UBE2E3: variants seen among roughly 807,000 people sequenced by gnomAD.
The protein encoded by UBE2E3 is ubiquitin-conjugating enzyme E2 E3.
Under a neutral mutation model 23.6 loss-of-function variants are expected in UBE2E3, and 5 were observed. That is an observed-to-expected ratio of 0.21 (90% confidence interval 0.11 to 0.44). UBE2E3 has a LOEUF of 0.44. Ranked by LOEUF, UBE2E3 falls within the 20% of genes least tolerant of loss-of-function variation. The pLI, the probability that UBE2E3 is intolerant of heterozygous loss-of-function variation, is 0.99. For synonymous variants in UBE2E3, 78 were observed against 87.5 expected, an observed-to-expected ratio of 0.89 and a Z score of 0.60; for missense variants, 81 against 249.8, an observed-to-expected ratio of 0.32 and a Z score of 4.55.
chr2:180,986,867 T>C (rs1486913514), intron 3 of UBE2E3, among the ~76,000 whole-genome samples: 1 of 152,102 alleles, frequency 6.6e-6, no homozygotes, highest in African/African-American at 2.4e-5. Flanking sequence ...ACCAAAATTA[T>C]TCAGACTGGG....
At chr2:181,017,536 T>C (rs1348804028) in intron 3 of UBE2E3, among the ~76,000 whole-genome samples, 1 of 151,970 alleles carries the variant, frequency 6.6e-6, no homozygotes, top group African/African-American at 2.4e-5. Flanking sequence ...GTATGTGTAT[T>C]GTCTAAAGTC....
chr2:181,028,899 A>AGAGATTAT (rs1189788011), intron 3 of UBE2E3, among the ~76,000 whole-genome samples: 1 of 151,898 alleles, frequency 6.6e-6, no homozygotes, highest in African/African-American at 2.4e-5. Context: ...TATGATTAGC[A>AGAGATTAT]CTTTTTGTGT....
At chr2:181,031,053 C>G (rs990098673) in intron 3 of UBE2E3, among the ~76,000 whole-genome samples, 3 of 151,854 alleles carry the variant, frequency 2.0e-5, no homozygotes, top group Non-Finnish European at 2.9e-5. Flanking sequence ...TAATTTTTAG[C>G]TTTTCTTCTG....
intron 3 of UBE2E3, among the ~76,000 whole-genome samples, chr2:181,050,405 G>T (rs549943959): frequency 3.8e-4 from 58 of 151,836 alleles, no homozygotes; most frequent in African/African-American, 1.3e-3. Context: ...TTGTTCAACG[G>T]GATTCTCTTC....
chr2:181,025,270 A>T (rs1685848262), intron 3 of UBE2E3, among the ~76,000 whole-genome samples: 1 of 151,920 alleles, frequency 6.6e-6, no homozygotes, highest in African/African-American at 2.4e-5. Flanking sequence ...AGACCACAGA[A>T]ACCTTGCTCT....
At chr2:181,003,981 A>G (rs77287550) in intron 3 of UBE2E3, among the ~76,000 whole-genome samples, 2,139 of 152,344 alleles carry the variant, frequency 0.014, 42 homozygotes, top group African/African-American at 0.049. Context: ...GATGGAAGCA[A>G]GATTCAGTTT....
intron 3 of UBE2E3, among the ~76,000 whole-genome samples, chr2:181,005,623 A>G (rs1202656335): frequency 6.6e-6 from 1 of 151,040 alleles, no homozygotes; most frequent in Non-Finnish European, 1.5e-5. Flanking sequence ...AATTTATATT[A>G]CCTGTGTGGC....
chr2:180,989,749 T>TA, intron 3 of UBE2E3: 2 of 969,354 alleles, frequency 2.1e-6, no homozygotes, highest in Non-Finnish European at 2.8e-6. Context: ...CATGTGCTTT[T>TA]AAAAAAAGTT....
chr2:181,039,212 A>C (rs903774171), intron 3 of UBE2E3, among the ~76,000 whole-genome samples: 1 of 139,892 alleles, frequency 7.1e-6, no homozygotes, highest in East Asian at 2.1e-4. Context: ...GCTCTATATC[A>C]TGGTTGTAGT....
chr2:181,027,127 A>G (rs762827948), intron 3 of UBE2E3, among the ~76,000 whole-genome samples: 9 of 151,884 alleles, frequency 5.9e-5, no homozygotes, highest in African/African-American at 1.7e-4. Flanking sequence ...GATTGTCTGT[A>G]CCTGTGTTAA....
chr2:181,060,199 G>T (rs1180929574), intron 4 of UBE2E3, among the ~76,000 whole-genome samples: 1 of 151,646 alleles, frequency 6.6e-6, no homozygotes, highest in South Asian at 2.1e-4. Context: ...CTAACGTTTG[G>T]TAAGAAATTA....
intron 3 of UBE2E3, among the ~76,000 whole-genome samples, chr2:180,990,735 C>T (rs6433879): frequency 0.78 from 119,015 of 152,168 alleles, 46,832 homozygotes; most frequent in East Asian, 0.9. Context: ...ACTAGGAGTA[C>T]TAAAGTAACA....
In UBE2E3 at chr2:180,989,787, A is replaced by T. The variant is rs1342185363; in HGVS notation, c.245+5694A>T. 4 of 1,317,020 alleles carry T rather than the reference A, an allele frequency of 3.0e-6. No individual in the cohort carries two copies. In the East Asian group the frequency reaches 7.8e-5, roughly 26 times the overall value. 81.6% of individuals were successfully genotyped at this position (1,317,020 alleles called of 1,614,324 possible). A position where few individuals can be genotyped will look rare whatever the true frequency, so the allele number is the denominator to read the frequency against. ...ATGTTTACTTCGCAGCTACATGCTC[A>T]CATAACCAGTCATATTCCTCTCATA... On this transcript the variant is annotated intron_variant, in intron 3 of 5. Transcript: ENST00000410062.
intron 3 of UBE2E3, among the ~76,000 whole-genome samples, chr2:180,998,059 A>T (rs1443376149): frequency 6.6e-6 from 1 of 152,160 alleles, no homozygotes. Flanking sequence ...GAATAATTTT[A>T]ATTAACTTAG....
At chr2:181,038,411 A>G (rs542772088) in intron 3 of UBE2E3, among the ~76,000 whole-genome samples, 15 of 152,316 alleles carry the variant, frequency 9.8e-5, no homozygotes, top group African/African-American at 3.4e-4. Flanking sequence ...CGAATGACAC[A>G]TTTCTGAGGT....
At chr2:181,019,919 C>T (rs541572040) in intron 3 of UBE2E3, among the ~76,000 whole-genome samples, 44 of 152,136 alleles carry the variant, frequency 2.9e-4, no homozygotes, top group African/African-American at 1.0e-3. Context: ...ACTGTAGACA[C>T]GTTGCTGTAC....
chr2:180,990,905 C>A (rs548706083), intron 3 of UBE2E3, among the ~76,000 whole-genome samples: 57 of 152,200 alleles, frequency 3.7e-4, no homozygotes, highest in African/African-American at 1.3e-3. Flanking sequence ...TATTTGAAAC[C>A]CTTGGGGCCA....
intron 3 of UBE2E3, among the ~76,000 whole-genome samples, chr2:181,017,418 G>A (rs1459596421): frequency 6.6e-6 from 1 of 151,810 alleles, no homozygotes; most frequent in African/African-American, 2.4e-5. Context: ...GCATGAGGGG[G>A]GTGGAAACCA....
At chr2:181,013,884 ATAT>A (rs1685407238) in intron 3 of UBE2E3, among the ~76,000 whole-genome samples, 1 of 152,140 alleles carries the variant, frequency 6.6e-6, no homozygotes, top group South Asian at 2.1e-4. Context: ...ATTTGGACCA[ATAT>A]TATTCATGTG....
Sources: gnomAD v4.1 joint callset for allele counts (sites outside exome capture counted in the v4.1 genomes callset) on GRCh38, gnomAD v4.1.1 for gene constraint, MANE v1.5 for transcripts, NCBI Gene and HGNC (gene_info 2026-07-23, HGNC 2026-07-21) for gene names.